The following ABCG1 variants were observed in gnomAD, a reference collection of about 807,000 sequenced individuals.
The protein encoded by ABCG1 is ATP-binding cassette sub-family G member 1.
In ABCG1, 29 loss-of-function variants were observed where a neutral mutation model predicts 69.2. That is an observed-to-expected ratio of 0.42 (90% confidence interval 0.31 to 0.57). The LOEUF is 0.57. Among genes scored for constraint, ABCG1 ranks in the 20% least tolerant of loss-of-function variants. The pLI is 0.15. For missense variants in ABCG1, 718 were observed against 898.1 expected, an observed-to-expected ratio of 0.80 and a Z score of 2.56; for synonymous variants, 370 against 374.8, an observed-to-expected ratio of 0.99 and a Z score of 0.15.
chr21:42,219,394 C>A lies in ABCG1; in HGVS notation c.42+90C>A. 2.0e-6 allele frequency: 3 copies of A among 1,522,938 alleles called. No individual in the cohort carries two copies. Among genetic ancestry groups the A allele is most frequent in the South Asian group, 2.4e-5 (2 of 83,730 alleles). The allele number at this position is 1,522,938 out of a possible 1,614,324, so 94.3% of individuals were successfully genotyped here. ...AAAGACTCGCAAGCTCGACCTGACA[C>A]CCCTCCCAGGAGCGCGTCCTCTGGG... On this transcript the variant is annotated intron_variant, in intron 1 of 14. Coordinates refer to ENST00000398449, the MANE Select transcript of ABCG1 (RefSeq NM_016818.3). The surrounding 1 kb of genome is among the most constrained non-coding windows in gnomAD (Gnocchi z 5.3).
At chr21:42,240,749 G>C (rs533079493) in intron 2 of ABCG1, among the ~76,000 whole-genome samples, 1 of 152,360 alleles carries the variant, frequency 6.6e-6, no homozygotes, top group South Asian at 2.1e-4. Flanking sequence ...CACCCAGCCA[G>C]AAAGTTAATT....
Position 42,219,708 on chromosome 21 carries a change from G to T in ABCG1, c.42+404G>T. On this transcript the variant is annotated intron_variant, in intron 1 of 14. Transcript: ENST00000398449. This position sits in a 1 kb window ranked among gnomAD's most constrained non-coding sequence, Gnocchi z 5.3. ...AGGGAAGAGGGGACTTGAAGAAGGG[G>T]AGCCCCGCGCGCGCGGCTGTGGGCT... 1 of 949,534 alleles carries T rather than the reference G, an allele frequency of 1.1e-6. No individual in the cohort carries two copies. Among genetic ancestry groups the T allele is most frequent in the East Asian group, 3.0e-5 (1 of 33,084 alleles). The allele number at this position is 949,534 out of a possible 1,614,324, so 58.8% of individuals were successfully genotyped here. A position where few individuals can be genotyped will look rare whatever the true frequency, so the allele number is the denominator to read the frequency against.
Position 42,276,642 on chromosome 21 carries a change from T to G in ABCG1, c.538-253T>G, listed in dbSNP as rs150436412. On this transcript the variant is annotated intron_variant, in intron 4 of 14. Transcript: ENST00000398449. The surrounding 1 kb of genome is among the most constrained non-coding windows in gnomAD (Gnocchi z 5.3). ...CGTGGCTAGCTGCATGGTGGCTAGTTGCACCGTGGCTAGTGGCCTTATGCC... is the reference window on the plus strand; with the variant it reads ...CGTGGCTAGCTGCATGGTGGCTAGTGGCACCGTGGCTAGTGGCCTTATGCC... 5.7e-5 allele frequency: 26 copies of G among 459,894 alleles called. No individual in the cohort carries two copies. Among genetic ancestry groups the G allele is most frequent in the East Asian group, 3.9e-4 (11 of 28,562 alleles). The allele number at this position is 459,894 out of a possible 1,614,324, so 28.5% of individuals were successfully genotyped here.
upstream of ABCG1, among the ~76,000 whole-genome samples, chr21:42,213,955 G>A (rs2067613921): frequency 6.6e-6 from 1 of 152,204 alleles, no homozygotes; most frequent in African/African-American, 2.4e-5. Context: ...TAAATTATGT[G>A]TAGCTGGGAC....
In ABCG1 at chr21:42,296,454, G is replaced by A. The variant is rs773038005; in HGVS notation, c.*62G>A. 150 of 1,462,586 alleles carry A rather than the reference G, an allele frequency of 1.0e-4. No individual in the cohort carries two copies. Among genetic ancestry groups the A allele is most frequent in the Non-Finnish European group, 1.3e-4 (139 of 1,064,422 alleles). 90.6% of individuals were successfully genotyped at this position (1,462,586 alleles called of 1,614,324 possible). A position where few individuals can be genotyped will look rare whatever the true frequency, so the allele number is the denominator to read the frequency against. On this transcript the variant is annotated 3_prime_UTR_variant, in exon 15 of 15. Coordinates refer to ENST00000398449, the MANE Select transcript of ABCG1 (RefSeq NM_016818.3). The surrounding 1 kb of genome is among the most constrained non-coding windows in gnomAD (Gnocchi z 5.4). Reference sequence around the variant, plus strand: ...TGTGGCCGAGGGCACGTCTAGAATCGAGGAGGCAAGCCTGTGCCCGACCGA... The same window carrying A: ...TGTGGCCGAGGGCACGTCTAGAATCAAGGAGGCAAGCCTGTGCCCGACCGA...
chr21:42,286,151 A>G (rs990075550), intron 8 of ABCG1, 157 bp downstream of exon 8: 1 of 604,516 alleles, frequency 1.7e-6, no homozygotes, highest in East Asian at 2.8e-5. Flanking sequence ...CAAAAAAATT[A>G]GGTTTCATTT....
At chr21:42,260,714 A>G (rs2068393350) in intron 2 of ABCG1, among the ~76,000 whole-genome samples, 1 of 152,194 alleles carries the variant, frequency 6.6e-6, no homozygotes, top group South Asian at 2.1e-4. Flanking sequence ...AGGAAAATAG[A>G]GGCATCCCAG....
In ABCG1 at chr21:42,294,542, G is replaced by A. The variant is rs569993728; in HGVS notation, c.1654G>A (p.Val552Met). The change falls in exon 14 of 15, where the codon GTG (valine) becomes ATG (methionine). Residue 552 changes from valine to methionine, a missense_variant and splice_region_variant. Physicochemically the swap from Val to Met is conservative, Grantham distance 21. This residue lies in a region of ABCG1 where 204 missense variants were observed against 323.8 expected (regional missense o/e 0.63). Transcript: ENST00000398449. ...LIGAASTSLQ[V>M]ATFVGPVTAI... is the part of the protein sequence containing the mutation. Reference sequence around the variant, plus strand: ...CTGTCCTGTGTGCCCCCAACTCCAGGTGGCCACTTTCGTGGGCCCAGTGAC... The same window carrying A: ...CTGTCCTGTGTGCCCCCAACTCCAGATGGCCACTTTCGTGGGCCCAGTGAC... The A allele has an allele frequency of 3.1e-6, 5 of 1,613,390 alleles. No individual in the cohort carries two copies. In the African/African-American group the frequency reaches 6.7e-5, roughly 22 times the overall value.
At chr21:42,262,400 G>A (rs148236497) in intron 2 of ABCG1, among the ~76,000 whole-genome samples, 98 of 152,270 alleles carry the variant, frequency 6.4e-4, no homozygotes, top group African/African-American at 2.1e-3. Flanking sequence ...TCTTACGGCC[G>A]TAGATTTCAG....
Position 42,236,544 on chromosome 21 carries a change from G to A in ABCG1, c.286+10630G>A, listed in dbSNP as rs368217363. Among the ~76,000 whole-genome samples, 381 of 152,346 alleles carry A rather than the reference G, an allele frequency of 2.5e-3. 19 individuals carry two copies. The South Asian group carries it at 0.074, about 30-fold the overall frequency. Reference sequence around the variant, plus strand: ...AAATGTTAAACATTGTCTTTCAGACGCTTTGCTCAACCTTTTGGGCTCCTG... The same window carrying A: ...AAATGTTAAACATTGTCTTTCAGACACTTTGCTCAACCTTTTGGGCTCCTG... On this transcript the variant is annotated intron_variant, in intron 2 of 14. Transcript: ENST00000398449.
chr21:42,277,769 A>G (rs2068736494), intron 5 of ABCG1, among the ~76,000 whole-genome samples: 1 of 152,246 alleles, frequency 6.6e-6, no homozygotes, highest in African/African-American at 2.4e-5. Context: ...ATGGCTCGAC[A>G]TGGCCCTTTG....
chr21:42,222,129 C>T (rs1291913520), intron 1 of ABCG1, among the ~76,000 whole-genome samples: 1 of 152,048 alleles, frequency 6.6e-6, no homozygotes, highest in Non-Finnish European at 1.5e-5. Context: ...GACAATGCTT[C>T]AGTAGGATAG....
intron 2 of ABCG1, among the ~76,000 whole-genome samples, chr21:42,201,879 C>T (rs976617489): frequency 1.3e-5 from 2 of 152,142 alleles, no homozygotes; most frequent in Admixed American, 6.5e-5. Flanking sequence ...GGGGCCAGCC[C>T]GAGGCAAACT....
intron 2 of ABCG1, among the ~76,000 whole-genome samples, chr21:42,238,568 G>A (rs1569213607): frequency 6.6e-6 from 1 of 152,208 alleles, no homozygotes; most frequent in East Asian, 1.9e-4. Flanking sequence ...CAGATCGCTG[G>A]ATGACAAGCT....
chr21:42,288,170 G>A lies in ABCG1; in HGVS notation c.1123-41G>A, dbSNP rs147355440. On this transcript the variant is annotated intron_variant, in intron 9 of 14. Coordinates refer to ENST00000398449, the MANE Select transcript of ABCG1 (RefSeq NM_016818.3). This position sits in a 1 kb window ranked among gnomAD's most constrained non-coding sequence, Gnocchi z 4.8. The stretch of plus-strand genomic sequence containing the variant: ...CCGAGCAAGAAGGAGCCGTGGCTCC[G>A]GACTGGCTTTCACCCGCTCCCCTCT... 1,337 of 1,611,822 alleles carry A rather than the reference G, an allele frequency of 8.3e-4. 10 individuals carry two copies. The East Asian group carries it at 0.023, about 27-fold the overall frequency.
chr21:42,294,328 G>A (rs1237499015), intron 13 of ABCG1, among the ~76,000 whole-genome samples: 1 of 152,220 alleles, frequency 6.6e-6, no homozygotes, highest in Admixed American at 6.5e-5. Flanking sequence ...AGGCTCTGGG[G>A]CTGCCACGTC....
intron 2 of ABCG1, among the ~76,000 whole-genome samples, chr21:42,231,770 T>C (rs769277430): frequency 6.6e-6 from 1 of 152,206 alleles, no homozygotes; most frequent in African/African-American, 2.4e-5. Flanking sequence ...TGAAGGGGGA[T>C]GGATAGTTCC....
At chr21:42,225,627 A>T (rs755620121) in intron 1 of ABCG1, 44 bp from the exon 2 acceptor site, 2 of 1,596,480 alleles carry the variant, frequency 1.3e-6, no homozygotes, top group African/African-American at 1.3e-5. Context: ...CTTTTTCTTG[A>T]TGCAGCTTAT....
At chr21:42,272,163 G>A (rs1462216174) in intron 3 of ABCG1, among the ~76,000 whole-genome samples, 1 of 152,180 alleles carries the variant, frequency 6.6e-6, no homozygotes, top group Non-Finnish European at 1.5e-5. Flanking sequence ...CAGAAATTGG[G>A]GTTTGAAAAA....
Sources: allele counts gnomAD v4.1 joint callset (sites outside exome capture counted in the v4.1 genomes callset), GRCh38; gene constraint gnomAD v4.1.1; regional missense constraint gnomAD v4.1.1; non-coding constraint Gnocchi (gnomAD v3.1); transcripts MANE v1.5; gene names NCBI Gene and HGNC (gene_info 2026-07-23, HGNC 2026-07-21).